ARMH3: variants seen among roughly 807,000 people sequenced by gnomAD.
ARMH3 encodes the protein armadillo like helical domain containing 3.
ARMH3 carries 60 observed loss-of-function variants against 99.1 expected under a neutral mutation model. The ratio of observed to expected loss-of-function variants is 0.61; its 90% CI spans 0.49 to 0.75. The LOEUF is 0.75. Ranked by LOEUF, ARMH3 falls within the 30% of genes least tolerant of loss-of-function variation. ARMH3 has a pLI of 0.00. For missense variants in ARMH3, 679 were observed against 843.1 expected (o/e 0.81, Z 2.41); for synonymous variants, 285 against 292.8 (o/e 0.97, Z 0.27).
intron 22 of ARMH3, among the ~76,000 whole-genome samples, chr10:101,955,157 G>C (rs979403340): frequency 1.1e-4 from 17 of 152,136 alleles, no homozygotes; most frequent in Admixed American, 6.5e-5. Context: ...AAGTCTATTA[G>C]AGAGTTCTTA....
At chr10:101,859,646 C>T (rs2066816655) in intron 24 of ARMH3, among the ~76,000 whole-genome samples, 1 of 152,212 alleles carries the variant, frequency 6.6e-6, no homozygotes, top group African/African-American at 2.4e-5. Flanking sequence ...ATAAATTCAG[C>T]TCAGCTGTGC....
chr10:101,914,263 A>G (rs1299466075), intron 23 of ARMH3, among the ~76,000 whole-genome samples: 4 of 150,572 alleles, frequency 2.7e-5, no homozygotes, highest in Admixed American at 2.0e-4. Flanking sequence ...CCAAGGCAGG[A>G]GGATCATGAG....
At chr10:102,038,874 G>A in intron 2 of ARMH3, among the ~76,000 whole-genome samples, 1 of 151,738 alleles carries the variant, frequency 6.6e-6, no homozygotes, top group South Asian at 2.1e-4. Flanking sequence ...CAAGTAGCTG[G>A]GACTACATGC....
At chr10:101,973,359 CAAAAA>C (rs56712768) in intron 20 of ARMH3, among the ~76,000 whole-genome samples, 2 of 80,158 alleles carry the variant, frequency 2.5e-5, no homozygotes, top group African/African-American at 4.7e-5. Context: ...GACTCCGTCT[CAAAAA>C]AAAAAAAAAA....
intron 24 of ARMH3, among the ~76,000 whole-genome samples, chr10:101,878,645 A>T (rs2067329275): frequency 2.6e-5 from 4 of 151,692 alleles, no homozygotes; most frequent in Admixed American, 2.6e-4. Context: ...TCTCAAGAAA[A>T]AAAAACAAAA....
chr10:101,937,901 C>G (rs1298590723), intron 23 of ARMH3, among the ~76,000 whole-genome samples: 1 of 152,142 alleles, frequency 6.6e-6, no homozygotes, highest in African/African-American at 2.4e-5. Context: ...CACTGTTACC[C>G]AGGCTGGAGT....
At chr10:101,943,137 C>T (rs1041520667) in intron 22 of ARMH3, among the ~76,000 whole-genome samples, 42 of 152,280 alleles carry the variant, frequency 2.8e-4, no homozygotes, top group African/African-American at 1.0e-3. Context: ...ACATAGAGAT[C>T]AGCATTTGGA....
chr10:101,883,770 T>C (rs1020610846), intron 24 of ARMH3, among the ~76,000 whole-genome samples: 14 of 152,002 alleles, frequency 9.2e-5, no homozygotes, highest in Non-Finnish European at 1.6e-4. Context: ...GGTGGGTGGA[T>C]TGCCTGAGCC....
At chr10:101,914,083 A>T (rs1194783506) in intron 23 of ARMH3, among the ~76,000 whole-genome samples, 1 of 152,170 alleles carries the variant, frequency 6.6e-6, no homozygotes, top group Non-Finnish European at 1.5e-5. Flanking sequence ...ATTAATGACT[A>T]ATTAAGTGTT....
chr10:101,878,363 C>T (rs1393054870), intron 24 of ARMH3, among the ~76,000 whole-genome samples: 1 of 152,074 alleles, frequency 6.6e-6, no homozygotes, highest in Non-Finnish European at 1.5e-5. Context: ...GGTAAGGCAT[C>T]ATGTCTCACG....
rs540229576 is a variant in ARMH3 at position 102,046,914 on chromosome 10, A to G, written c.-11-6789T>C. ...TGAACAAACTGTGAAATGTCTAGAT[A>G]TCTTGAGTAGCCACCACTCTAGTTT... is the stretch of plus-strand genomic sequence containing the variant. On this transcript the variant is annotated intron_variant, in intron 1 of 25. Transcript: ENST00000370033. 5.3e-5 allele frequency among the ~76,000 whole-genome samples: 8 copies of G among 152,350 alleles called. No individual in the cohort carries two copies. The South Asian group carries it at 1.4e-3, about 28-fold the overall frequency.
intron 23 of ARMH3, chr10:101,912,874 G>A (rs562628116): frequency 1.3e-5 from 2 of 152,192 alleles, no homozygotes; most frequent in South Asian, 4.1e-4. Context: ...ATCAGAAATG[G>A]ATTTTGCATT....
chr10:101,899,763 G>A (rs2067929193), intron 23 of ARMH3, among the ~76,000 whole-genome samples: 1 of 152,146 alleles, frequency 6.6e-6, no homozygotes, highest in Non-Finnish European at 1.5e-5. Flanking sequence ...CTAAGGTTTA[G>A]GTCTTAACCC....
chr10:102,029,436 C>A (rs1429469458), intron 5 of ARMH3: 11 of 1,539,698 alleles, frequency 7.1e-6, no homozygotes, highest in East Asian at 2.4e-5. Flanking sequence ...GGAAAGAATA[C>A]CTCCATTCAA....
intron 20 of ARMH3, among the ~76,000 whole-genome samples, chr10:101,967,252 G>A (rs968922124): frequency 2.6e-5 from 4 of 152,110 alleles, no homozygotes; most frequent in Non-Finnish European, 5.9e-5. Flanking sequence ...CAAAGGACAC[G>A]ATGAAAATAG....
At chr10:101,915,010 T>C (rs1283806586) in intron 23 of ARMH3, among the ~76,000 whole-genome samples, 1 of 151,956 alleles carries the variant, frequency 6.6e-6, no homozygotes, top group Non-Finnish European at 1.5e-5. Context: ...CCATGATAAA[T>C]AAGGATAAGA....
chr10:102,053,239 A>AG (rs2067752027), intron 1 of ARMH3, among the ~76,000 whole-genome samples: 1 of 145,590 alleles, frequency 6.9e-6, no homozygotes, highest in Non-Finnish European at 1.5e-5. Context: ...AAAAAAAAAA[A>AG]GAGAAAAAAA....
chr10:101,928,213 A>G (rs912589158), intron 23 of ARMH3, among the ~76,000 whole-genome samples: 6 of 152,198 alleles, frequency 3.9e-5, no homozygotes, highest in African/African-American at 1.2e-4. Flanking sequence ...AATATAATGA[A>G]AGGTTCTTAT....
intron 24 of ARMH3, among the ~76,000 whole-genome samples, chr10:101,857,981 C>G (rs2066774504): frequency 2.6e-5 from 4 of 152,208 alleles, no homozygotes; most frequent in Admixed American, 6.5e-5. Context: ...ATTTCAGCAG[C>G]CTAGGCAGAG....
Sources: gnomAD v4.1 joint callset for allele counts (sites outside exome capture counted in the v4.1 genomes callset) on GRCh38, gnomAD v4.1.1 for gene constraint, MANE v1.5 for transcripts, NCBI Gene and HGNC (gene_info 2026-07-23, HGNC 2026-07-21) for gene names.